ZNF235: variants seen among roughly 807,000 people sequenced by gnomAD.
The protein encoded by ZNF235 is zinc finger protein 235.
A neutral mutation model predicts 29.4 loss-of-function variants in ZNF235; 25 were observed. The observed-to-expected ratio is 0.85, with a 90% confidence interval of 0.62 to 1.19. The LOEUF is 1.19. Among genes scored for constraint, ZNF235 ranks in the 50% most tolerant of loss-of-function variants. The pLI is 0.00. For synonymous variants in ZNF235, 300 were observed against 295.3 expected, an observed-to-expected ratio of 1.02 and a Z score of -0.16; for missense variants, 788 against 885.0, an observed-to-expected ratio of 0.89 and a Z score of 1.39.
intron 1 of ZNF235, among the ~76,000 whole-genome samples, chr19:44,304,071 T>C (rs1568648385): frequency 6.6e-6 from 1 of 152,226 alleles, no homozygotes; most frequent in Non-Finnish European, 1.5e-5. Flanking sequence ...ACATAATTAG[T>C]TCCGTTGGTA....
intron 4 of ZNF235, chr19:44,289,401 T>C (rs557327096): frequency 3.7e-6 from 2 of 539,694 alleles, no homozygotes; most frequent in African/African-American, 1.9e-5. Context: ...AGATAGAAAA[T>C]TTGAGATCAG....
intron 4 of ZNF235, among the ~76,000 whole-genome samples, chr19:44,291,776 A>G (rs1468131242): frequency 6.6e-6 from 1 of 152,176 alleles, no homozygotes; most frequent in African/African-American, 2.4e-5. Context: ...TTCCACAAAC[A>G]AAAGTTCAGG....
Position 44,287,232 on chromosome 19 carries a change from C to T in ZNF235, c.2203G>A (p.Gly735Arg). The change falls in exon 5 of 5, where the codon GGA (glycine) becomes AGA (arginine). Residue 735 changes from glycine to arginine, a missense_variant. Coordinates refer to ENST00000291182, the MANE Select transcript of ZNF235 (RefSeq NM_004234.4). ...HLIYHQRVHT[G>R]GNL ...ACCTCTCATTTCTACAGATTCCCTC[C>T]AGTGTGGACTCTCTGATGGTAGATG... 6.3e-7 allele frequency: 1 copy of T among 1,598,500 alleles called. No homozygotes were observed. The highest frequency in any genetic ancestry group is 8.5e-7 in the Non-Finnish European group (1 of 1,171,002).
Position 44,287,596 on chromosome 19 carries a change from G to A in ZNF235, c.1839C>T (p.His613=), listed in dbSNP as rs1975506690. The part of the protein sequence containing the change: ...ACQKRFSQAS[H]LQAHQRVHTG... Reference sequence around the variant, plus strand: ...TGTGGACTCTCTGATGGGCTTGAAGGTGTGAGGCCTGACTGAATCGCTTCT... The same window carrying A: ...TGTGGACTCTCTGATGGGCTTGAAGATGTGAGGCCTGACTGAATCGCTTCT... Residue 613 remains histidine, a synonymous_variant, in exon 5 of 5, where the codon CAC becomes CAT. Transcript: ENST00000291182. 6.2e-7 allele frequency: 1 copy of A among 1,610,298 alleles called. No homozygotes were observed. The highest frequency in any genetic ancestry group is 8.5e-7 in the Non-Finnish European group (1 of 1,178,744).
At chr19:44,299,355 T>C (rs2609886) in intron 3 of ZNF235, among the ~76,000 whole-genome samples, 31,266 of 152,164 alleles carry the variant, frequency 0.21, 4,058 homozygotes, top group African/African-American at 0.36. Flanking sequence ...TTATAGTTCA[T>C]GTCTAAAAGA....
intron 2 of ZNF235, among the ~76,000 whole-genome samples, chr19:44,302,560 G>A (rs1975752929): frequency 6.6e-6 from 1 of 151,556 alleles, no homozygotes; most frequent in Non-Finnish European, 1.5e-5. Flanking sequence ...AGAAGTTCAA[G>A]ACCAGCCTGG....
Position 44,288,410 on chromosome 19 carries a change from G to A in ZNF235, c.1025C>T (p.Thr342Ile). The change falls in exon 5 of 5, where the codon ACA (threonine) becomes ATA (isoleucine). Residue 342 changes from threonine to isoleucine, a missense_variant. Thr to Ile is a moderately conservative substitution (Grantham distance 89). Coordinates refer to ENST00000291182, the MANE Select transcript of ZNF235 (RefSeq NM_004234.4). ...GTGGCATGTATAGGGTTTCTCCCCT[G>A]TGTGGACTCTCTGATGAGTTTGCAG... ...SNLQTHQRVH[T>I]GEKPYTCHEC... 6.2e-7 allele frequency: 1 copy of A among 1,614,168 alleles called. No homozygotes were observed. The highest frequency in any genetic ancestry group is 8.5e-7 in the Non-Finnish European group (1 of 1,180,026).
chr19:44,302,979 T>A (rs542462220), intron 2 of ZNF235, among the ~76,000 whole-genome samples: 2 of 124,812 alleles, frequency 1.6e-5, no homozygotes, highest in Admixed American at 7.7e-5. Context: ...TATATGTATA[T>A]ATTTATATAT....
Position 44,288,777 on chromosome 19 carries a change from T to A in ZNF235, c.658A>T (p.Ile220Phe), listed in dbSNP as rs758853778. 6.2e-7 allele frequency: 1 copy of A among 1,613,944 alleles called. No homozygotes were observed. The highest frequency in any genetic ancestry group is 8.5e-7 in the Non-Finnish European group (1 of 1,179,958). ...ATATTATCATCATGGTGGTGTGAAA[T>A]ACAACTGAAAATGTCAACATATGGA... ...FAPYVDIFSCISHHHDDNIVH... is the reference protein window; with the variant it reads ...FAPYVDIFSCFSHHHDDNIVH... Residue 220 changes from isoleucine (I) to phenylalanine (F), a missense_variant, in exon 5 of 5, where the codon ATT (isoleucine) becomes TTT (phenylalanine). Transcript: ENST00000291182.
chr19:44,305,022 C>T lies in ZNF235; in HGVS notation c.-100G>A. 1.2e-6 allele frequency: 1 copy of T among 825,200 alleles called. No homozygotes were observed. The highest frequency in any genetic ancestry group is 5.5e-5 in the South Asian group (1 of 18,194). 51.1% of individuals were successfully genotyped at this position (825,200 alleles called of 1,614,324 possible). On this transcript the variant is annotated 5_prime_UTR_variant, in exon 1 of 5. Coordinates refer to ENST00000291182, the MANE Select transcript of ZNF235 (RefSeq NM_004234.4). ...CCTCGCCTTCCTGGAGCGGAAGTGCCTCCGAGTGCCCACGGTTCGTGGACT... is the reference window on the plus strand; with the variant it reads ...CCTCGCCTTCCTGGAGCGGAAGTGCTTCCGAGTGCCCACGGTTCGTGGACT...
At chr19:44,302,961 TATAC>T (rs1975766001) in intron 2 of ZNF235, among the ~76,000 whole-genome samples, 4 of 133,188 alleles carry the variant, frequency 3.0e-5, no homozygotes, top group Non-Finnish European at 6.1e-5. Context: ...TATATAAATA[TATAC>T]GTATATATGT....
intron 4 of ZNF235, 90 bp from the exon 5 acceptor site, chr19:44,289,286 T>A (rs879586627): frequency 3.0e-5 from 38 of 1,246,950 alleles, no homozygotes; most frequent in Admixed American, 8.9e-5. Flanking sequence ...ATTTTCCCCA[T>A]GGAAACGTCA....
At chr19:44,298,692 A>T in intron 4 of ZNF235, 116 bp downstream of exon 4, 1 of 796,016 alleles carries the variant, frequency 1.3e-6, no homozygotes, top group Non-Finnish European at 2.0e-6. Flanking sequence ...CATCGCGCCC[A>T]ACCATGACAG....
At chr19:44,299,190 T>C (rs1975697861) in intron 3 of ZNF235, among the ~76,000 whole-genome samples, 1 of 152,188 alleles carries the variant, frequency 6.6e-6, no homozygotes, top group East Asian at 1.9e-4. Flanking sequence ...ATGTGCACCA[T>C]TCTGGCTAAG....
At chr19:44,297,091 T>C (rs1209706620) in intron 4 of ZNF235, 1 of 152,712 alleles carries the variant, frequency 6.5e-6, no homozygotes, top group Non-Finnish European at 1.5e-5. Context: ...CCATCGCCAT[T>C]ACCAAGACCA....
intron 4 of ZNF235, among the ~76,000 whole-genome samples, chr19:44,296,370 C>G (rs1975654826): frequency 1.3e-5 from 2 of 152,030 alleles, no homozygotes; most frequent in Non-Finnish European, 2.9e-5. Context: ...AATAGGTCAT[C>G]CAAATTATGT....
chr19:44,293,594 C>T (rs1975614232), intron 4 of ZNF235, among the ~76,000 whole-genome samples: 1 of 151,984 alleles, frequency 6.6e-6, no homozygotes. Flanking sequence ...ATTTACAGAA[C>T]ATTCTATCCA....
intron 3 of ZNF235, 111 bp from the exon 4 acceptor site, chr19:44,299,014 G>A (rs1599891884): frequency 1.5e-6 from 1 of 673,506 alleles, no homozygotes; most frequent in East Asian, 2.7e-5. Flanking sequence ...GCAATGTTTA[G>A]GGAACATTTT....
Position 44,287,254 on chromosome 19 carries a change from G to C in ZNF235, c.2181C>G (p.Ile727Met), listed in dbSNP as rs748961213. 3 of 1,608,370 alleles carry C rather than the reference G, an allele frequency of 1.9e-6. No individual in the cohort carries two copies. The Admixed American group carries it at 5.0e-5, about 27-fold the overall frequency. Residue 727 changes from isoleucine (I) to methionine (M), a missense_variant, in exon 5 of 5, where the codon ATC (isoleucine) becomes ATG (methionine). By Grantham distance (10) the Ile-to-Met change is conservative (BLOSUM62 1). Coordinates refer to ENST00000291182, the MANE Select transcript of ZNF235 (RefSeq NM_004234.4). ...CTCCAGTGTGGACTCTCTGATGGTA[G>C]ATGAGATGTGACCTCTGACTGAAGC... ...CKGFSQRSHL[I>M]YHQRVHTGGN... is the part of the protein sequence containing the mutation.
Sources: allele counts gnomAD v4.1 joint callset (sites outside exome capture counted in the v4.1 genomes callset), GRCh38; gene constraint gnomAD v4.1.1; transcripts MANE v1.5; gene names NCBI Gene and HGNC (gene_info 2026-07-23, HGNC 2026-07-21).